The following ELAPOR2 variants were observed in gnomAD, a reference collection of about 807,000 sequenced individuals.
ELAPOR2 encodes endosome/lysosome-associated apoptosis and autophagy regulator family member 2.
Under a neutral mutation model 120.7 loss-of-function variants are expected in ELAPOR2, and 89 were observed. That is an observed-to-expected ratio of 0.74 (90% CI 0.62 to 0.88). The LOEUF is 0.88. ELAPOR2 is among the 40% of genes least tolerant of loss of function. ELAPOR2 has a pLI of 0.00. For missense variants in ELAPOR2, 1,134 were observed against 1,251.6 expected (o/e 0.91, Z 1.42); for synonymous variants, 444 against 444.9 (o/e 1.00, Z 0.03).
At chr7:86,930,386 A>G (rs1400580207) in intron 8 of ELAPOR2, among the ~76,000 whole-genome samples, 2 of 151,932 alleles carry the variant, frequency 1.3e-5, no homozygotes, top group African/African-American at 4.8e-5. Flanking sequence ...AAGAAACATA[A>G]GCTCTAAGTA....
intron 1 of ELAPOR2, among the ~76,000 whole-genome samples, chr7:87,048,623 G>A (rs1222479253): frequency 6.6e-6 from 1 of 152,160 alleles, no homozygotes; most frequent in African/African-American, 2.4e-5. Context: ...TTAAATAACT[G>A]AAGGAGTGTA....
intron 2 of ELAPOR2, among the ~76,000 whole-genome samples, chr7:86,951,743 C>A (rs1791255908): frequency 6.6e-6 from 1 of 152,192 alleles, no homozygotes. Context: ...GGTCACATCA[C>A]CTTTGTCAAC....
chr7:87,045,848 A>G (rs1395596424), intron 1 of ELAPOR2, among the ~76,000 whole-genome samples: 1 of 152,064 alleles, frequency 6.6e-6, no homozygotes, highest in East Asian at 1.9e-4. Context: ...AGCTAGTATC[A>G]TACCAAATGG....
In ELAPOR2 at chr7:86,942,076, T is replaced by G; in HGVS notation, c.683A>C (p.Asp228Ala). The G allele has an allele frequency of 1.3e-6, 2 of 1,548,866 alleles. No homozygotes were observed. The highest frequency in any genetic ancestry group is 2.4e-5 in the South Asian group (2 of 83,948). Residue 228 changes from aspartate to alanine, a missense_variant, in exon 5 of 22, where the codon GAC (aspartate) becomes GCC (alanine). Physicochemically the swap from Asp to Ala is moderately radical, Grantham distance 126 (BLOSUM62 -2). Coordinates refer to ENST00000450689, the MANE Select transcript of ELAPOR2 (RefSeq NM_001142749.3). ...TTTTACCCACTTGTCAGTGGTGGTG[T>G]CCATCTCCTGGCACTGATCATTTTG... Reference protein sequence around the residue: ...FIQNDQCQEMDTTTDKWVKLT... With the variant: ...FIQNDQCQEMATTTDKWVKLT...
At chr7:87,037,250 A>C (rs941367952) in intron 1 of ELAPOR2, among the ~76,000 whole-genome samples, 4 of 151,760 alleles carry the variant, frequency 2.6e-5, no homozygotes, top group African/African-American at 9.7e-5. Context: ...TCTCAGCTGC[A>C]CTCCTGTACA....
Position 86,895,326 on chromosome 7 carries a change from C to T in ELAPOR2, c.2685+2180G>A, listed in dbSNP as rs142069406. On this transcript the variant is annotated intron_variant, in intron 19 of 21. Transcript: ENST00000450689. ...GGCTATTCCCACTTACTGTATCATA[C>T]CAATTTTTTATAGTTGCAATGGAAT... Among the ~76,000 whole-genome samples the T allele has an allele frequency of 2.2e-3, 338 of 152,050 alleles. 1 individual carries two copies. Among genetic ancestry groups the T allele is most frequent in the African/African-American group, 7.6e-3 (314 of 41,500 alleles).
intron 1 of ELAPOR2, among the ~76,000 whole-genome samples, chr7:87,043,917 G>A (rs934179394): frequency 6.6e-6 from 1 of 151,822 alleles, no homozygotes; most frequent in Admixed American, 6.6e-5. Context: ...CGAAGTCTCA[G>A]GATACAAAAT....
intron 1 of ELAPOR2, among the ~76,000 whole-genome samples, chr7:87,040,280 A>G (rs1015351458): frequency 7.2e-5 from 11 of 152,250 alleles, no homozygotes; most frequent in African/African-American, 2.7e-4. Context: ...CAGCTCAAGG[A>G]GGCCTGCCTG....
intron 1 of ELAPOR2, among the ~76,000 whole-genome samples, chr7:87,004,551 C>A (rs1044108594): frequency 3.9e-5 from 6 of 152,150 alleles, no homozygotes; most frequent in African/African-American, 1.4e-4. Flanking sequence ...CTGCAGAAAG[C>A]AACTCTTCAT....
At chr7:87,041,637 G>C (rs978881884) in intron 1 of ELAPOR2, among the ~76,000 whole-genome samples, 1 of 151,858 alleles carries the variant, frequency 6.6e-6, no homozygotes, top group Non-Finnish European at 1.5e-5. Flanking sequence ...GGAACAACTG[G>C]TACCAGCCGC....
chr7:87,026,142 A>T (rs994281652), intron 1 of ELAPOR2, among the ~76,000 whole-genome samples: 1 of 152,122 alleles, frequency 6.6e-6, no homozygotes, highest in Non-Finnish European at 1.5e-5. Context: ...AACATGAGAA[A>T]GTAAGGGGGA....
intron 1 of ELAPOR2, among the ~76,000 whole-genome samples, chr7:86,976,071 T>C (rs1199728827): frequency 6.6e-6 from 1 of 152,060 alleles, no homozygotes; most frequent in East Asian, 1.9e-4. Flanking sequence ...TCTCTTCCAG[T>C]CCTTCCCCAC....
intron 1 of ELAPOR2, among the ~76,000 whole-genome samples, chr7:87,026,717 A>T (rs1336513056): frequency 1.3e-5 from 2 of 152,100 alleles, no homozygotes; most frequent in Admixed American, 1.3e-4. Context: ...CTAAGAACTT[A>T]GAGATAATGG....
chr7:86,966,240 C>A (rs1252940267), intron 1 of ELAPOR2, among the ~76,000 whole-genome samples: 2 of 152,128 alleles, frequency 1.3e-5, no homozygotes, highest in African/African-American at 2.4e-5. Flanking sequence ...TTCTGCTAAG[C>A]TTTCTACCAC....
intron 1 of ELAPOR2, among the ~76,000 whole-genome samples, chr7:87,005,756 G>C (rs1793451092): frequency 6.6e-6 from 1 of 152,000 alleles, no homozygotes; most frequent in Non-Finnish European, 1.5e-5. Context: ...CTCATACCTA[G>C]GTACAAAGTT....
chr7:86,910,239 C>T (rs934267482), intron 15 of ELAPOR2, among the ~76,000 whole-genome samples: 25 of 152,172 alleles, frequency 1.6e-4, no homozygotes, highest in Non-Finnish European at 3.1e-4. Flanking sequence ...TAATTCAAGA[C>T]TATACTGCTC....
At chr7:86,955,290 A>G (rs192995651) in intron 2 of ELAPOR2, among the ~76,000 whole-genome samples, 1 of 152,300 alleles carries the variant, frequency 6.6e-6, no homozygotes, top group Non-Finnish European at 1.5e-5. Flanking sequence ...GTCAAACAGT[A>G]CATTAAAACA....
At chr7:87,039,638 A>T (rs1794698013) in intron 1 of ELAPOR2, among the ~76,000 whole-genome samples, 1 of 152,250 alleles carries the variant, frequency 6.6e-6, no homozygotes, top group Non-Finnish European at 1.5e-5. Context: ...TTGGATCAAC[A>T]GAATGAAGGA....
At chr7:86,960,077 G>T (rs1056437194) in intron 2 of ELAPOR2, among the ~76,000 whole-genome samples, 52 of 152,160 alleles carry the variant, frequency 3.4e-4, no homozygotes, top group African/African-American at 1.1e-3. Flanking sequence ...TACTTGGAAT[G>T]ATTTTAATCT....
Sources: gnomAD v4.1 joint callset for allele counts (sites outside exome capture counted in the v4.1 genomes callset) on GRCh38, gnomAD v4.1.1 for gene constraint, MANE v1.5 for transcripts, NCBI Gene and HGNC (gene_info 2026-07-23, HGNC 2026-07-21) for gene names.